ZNF410: variants seen among roughly 807,000 people sequenced by gnomAD.
ZNF410 encodes zinc finger protein 410.
ZNF410 carries 18 observed loss-of-function variants against 54.8 expected under a neutral mutation model. The observed-to-expected ratio is 0.33, with a 90% CI of 0.23 to 0.49. The LOEUF (loss-of-function observed/expected upper bound fraction) is 0.49, where lower values mean the gene tolerates loss of function less well. ZNF410 is among the 20% of genes least tolerant of loss of function. The pLI is 0.99. For synonymous variants in ZNF410, 191 were observed against 207.3 expected (o/e 0.92, Z 0.68); for missense variants, 405 against 569.6 (o/e 0.71, Z 2.94).
chr14:73,920,270 C>T (rs1020422065), intron 8 of ZNF410: 1 of 152,016 alleles, frequency 6.6e-6, no homozygotes, highest in Non-Finnish European at 1.5e-5. Context: ...CTTAAAAATC[C>T]TTATTTCCAG....
chr14:73,894,264 G>A (rs1248705923), intron 3 of ZNF410: 9 of 691,606 alleles, frequency 1.3e-5, no homozygotes, highest in Non-Finnish European at 1.8e-5. Flanking sequence ...TCAGCAGAGT[G>A]GAGGCATGAA....
chr14:73,930,336 T>C, intron 11 of ZNF410, among the ~76,000 whole-genome samples: 1 of 152,118 alleles, frequency 6.6e-6, no homozygotes, highest in East Asian at 1.9e-4. Context: ...TAAAAAAAAG[T>C]TTTTTTGGTG....
At chr14:73,927,617 A>C (rs563236632) in intron 11 of ZNF410, among the ~76,000 whole-genome samples, 122 of 152,294 alleles carry the variant, frequency 8.0e-4, no homozygotes, top group Non-Finnish European at 1.5e-3. Flanking sequence ...TGCCAGATGT[A>C]TGAAAATTTA....
At chr14:73,920,032 A>G (rs1245615776) in intron 8 of ZNF410, 4 of 151,892 alleles carry the variant, frequency 2.6e-5, no homozygotes, top group Non-Finnish European at 5.9e-5. Flanking sequence ...CCTTGTGCAC[A>G]GAGTATTTCA....
chr14:73,918,714 T>TTTTCC (rs1555354290), intron 8 of ZNF410, among the ~76,000 whole-genome samples: 1 of 113,252 alleles, frequency 8.8e-6, no homozygotes, highest in African/African-American at 3.4e-5. Flanking sequence ...TTTTTTTTTT[T>TTTTCC]CCCCTAAACG....
At chr14:73,930,290 G>C (rs769480236) in intron 11 of ZNF410, among the ~76,000 whole-genome samples, 5 of 152,000 alleles carry the variant, frequency 3.3e-5, no homozygotes, top group Middle Eastern at 3.2e-3. Flanking sequence ...TTTAGATTTT[G>C]TTTAAAAGTC....
At chr14:73,895,990 G>C (rs2055311511) in intron 3 of ZNF410, among the ~76,000 whole-genome samples, 1 of 152,190 alleles carries the variant, frequency 6.6e-6, no homozygotes, top group African/African-American at 2.4e-5. Context: ...TCATTGTATA[G>C]CTATATTTTT....
chr14:73,932,401 G>C lies in ZNF410; in HGVS notation c.*860G>C, dbSNP rs954062847. 2.0e-5 allele frequency: 9 copies of C among 448,900 alleles called. No individual in the cohort carries two copies. Among genetic ancestry groups the C allele is most frequent in the South Asian group, 1.1e-4 (7 of 62,644 alleles). 27.8% of individuals were successfully genotyped at this position (448,900 alleles called of 1,614,324 possible). The stretch of plus-strand genomic sequence containing the variant: ...CATACCAGTAAAACTGAACCGAGGA[G>C]TCTTAGGAAACAACAAGAACATCTT... On this transcript the variant is annotated 3_prime_UTR_variant, in exon 12 of 12. Transcript: ENST00000555044.
chr14:73,919,886 GTTTTTTTT>G (rs1158550117), intron 8 of ZNF410, among the ~76,000 whole-genome samples: 5 of 62,046 alleles, frequency 8.1e-5, no homozygotes, highest in South Asian at 7.4e-4. Context: ...TATTGTATAG[GTTTTTTTT>G]TTTTTTTTTT....
chr14:73,897,675 G>C (rs111304342), intron 4 of ZNF410, among the ~76,000 whole-genome samples: 1,703 of 152,156 alleles, frequency 0.011, 27 homozygotes, highest in African/African-American at 0.039. Flanking sequence ...GCTTATTTAG[G>C]ACATGGAGAG....
rs1167142404 is a variant in ZNF410 at position 73,931,603 on chromosome 14, C to T, written c.*62C>T. ...GATCTCAAAATGCGTATACTGGGAA[C>T]AGGATGCCTTAGCCCACAACAGAAC... is the stretch of plus-strand genomic sequence containing the variant. On this transcript the variant is annotated 3_prime_UTR_variant, in exon 12 of 12. Coordinates refer to ENST00000555044, the MANE Select transcript of ZNF410 (RefSeq NM_021188.3). 18 of 1,500,016 alleles carry T rather than the reference C, an allele frequency of 1.2e-5. No homozygotes were observed. Among genetic ancestry groups the T allele is most frequent in the Non-Finnish European group, 1.7e-5 (18 of 1,080,144 alleles). 92.9% of individuals were successfully genotyped at this position (1,500,016 alleles called of 1,614,324 possible). A position where few individuals can be genotyped will look rare whatever the true frequency, so the allele number is the denominator to read the frequency against.
intron 11 of ZNF410, among the ~76,000 whole-genome samples, chr14:73,929,416 CAT>C (rs1331586334): frequency 6.6e-6 from 1 of 152,280 alleles, no homozygotes; most frequent in African/African-American, 2.4e-5. Flanking sequence ...ATTTGCAACA[CAT>C]GTCCGTTTCA....
At chr14:73,896,168 G>A in intron 3 of ZNF410, 148 bp from the exon 4 acceptor site, 1 of 632,834 alleles carries the variant, frequency 1.6e-6, no homozygotes, top group Non-Finnish European at 2.7e-6. Context: ...CTGTTCTTCT[G>A]TGAGACAAAG....
chr14:73,887,443 G>A (rs991575102), intron 1 of ZNF410: 2 of 152,230 alleles, frequency 1.3e-5, no homozygotes, highest in African/African-American at 4.8e-5. Flanking sequence ...TGTCAGTTCG[G>A]GGGGCAGGAG....
intron 8 of ZNF410, chr14:73,914,362 CG>C (rs1186745367): frequency 6.6e-6 from 1 of 152,286 alleles, no homozygotes; most frequent in African/African-American, 2.4e-5. Flanking sequence ...TTGGTAGGGA[CG>C]GGTTTTCACC....
At chr14:73,905,968 C>CACACATATATATATATATAT (rs1461702433) in intron 7 of ZNF410, among the ~76,000 whole-genome samples, 1 of 78,944 alleles carries the variant, frequency 1.3e-5, no homozygotes, top group African/African-American at 4.2e-5. Flanking sequence ...CACACACACA[C>CACACATATATATATATATAT]ATATATATAT....
Position 73,904,759 on chromosome 14 carries a change from A to G in ZNF410, c.732-143A>G, listed in dbSNP as rs2055456720. On this transcript the variant is annotated intron_variant, in intron 6 of 11. Coordinates refer to ENST00000555044, the MANE Select transcript of ZNF410 (RefSeq NM_021188.3). ...CAGGCGTGAGCCACCACCCAGCTAT[A>G]GTTTTAACAAAGTCTTCAGTTGATT... 6.8e-6 allele frequency: 6 copies of G among 888,770 alleles called. No individual in the cohort carries two copies. In the South Asian group the frequency reaches 1.2e-4, roughly 17 times the overall value. 55.1% of individuals were successfully genotyped at this position (888,770 alleles called of 1,614,324 possible).
chr14:73,918,561 AT>A (rs1159657415), intron 8 of ZNF410, among the ~76,000 whole-genome samples: 1 of 152,020 alleles, frequency 6.6e-6, no homozygotes, highest in Non-Finnish European at 1.5e-5. Context: ...CCAGGAGATG[AT>A]TAAAAAAAGA....
chr14:73,911,633 A>G lies in ZNF410; in HGVS notation c.1003+2203A>G, dbSNP rs568020089. On this transcript the variant is annotated intron_variant, in intron 8 of 11. Coordinates refer to ENST00000555044, the MANE Select transcript of ZNF410 (RefSeq NM_021188.3). ...GTGAAAGATTCACCAAAGTAGAGAA[A>G]TTTTTTTTTATATAGCAACAGTGGT... Among the ~76,000 whole-genome samples the G allele has an allele frequency of 1.2e-4, 18 of 151,884 alleles. No individual in the cohort carries two copies. The South Asian group carries it at 3.7e-3, about 32-fold the overall frequency.
Sources: gnomAD v4.1 joint callset for allele counts (sites outside exome capture counted in the v4.1 genomes callset) on GRCh38, gnomAD v4.1.1 for gene constraint, MANE v1.5 for transcripts, NCBI Gene and HGNC (gene_info 2026-07-23, HGNC 2026-07-21) for gene names.